The following SPATA17 variants were observed in gnomAD, a reference collection of about 807,000 sequenced individuals.
SPATA17 encodes spermatogenesis associated 17, also known as spermatogenesis-associated protein 17.
In SPATA17, 53 loss-of-function variants were observed where a neutral mutation model predicts 62.2. The ratio of observed to expected loss-of-function variants is 0.85; its 90% CI spans 0.68 to 1.07. SPATA17 has a LOEUF of 1.07. SPATA17 is among the 50% of genes least tolerant of loss of function. The pLI is 0.00. For synonymous variants in SPATA17, 146 were observed against 146.8 expected (o/e 0.99, Z 0.04); for missense variants, 466 against 425.5 (o/e 1.10, Z -0.84).
intron 9 of SPATA17, among the ~76,000 whole-genome samples, chr1:217,843,634 G>A (rs1045692099): frequency 6.6e-6 from 1 of 151,710 alleles, no homozygotes; most frequent in Admixed American, 6.6e-5. Flanking sequence ...AATGGCCAGG[G>A]ACTAATTATT....
chr1:217,855,559 A>G (rs1675761820), intron 9 of SPATA17, among the ~76,000 whole-genome samples: 1 of 152,018 alleles, frequency 6.6e-6, no homozygotes, highest in South Asian at 2.1e-4. Context: ...ATCTTGTATT[A>G]CTTTTATCAT....
chr1:217,792,673 T>C (rs1438094105), intron 8 of SPATA17, among the ~76,000 whole-genome samples: 1 of 152,158 alleles, frequency 6.6e-6, no homozygotes, highest in African/African-American at 2.4e-5. Context: ...CCCCATAGGC[T>C]TGGAACAAAA....
At chr1:217,723,639 G>T (rs1048045357) in intron 5 of SPATA17, among the ~76,000 whole-genome samples, 7 of 152,092 alleles carry the variant, frequency 4.6e-5, no homozygotes, top group Non-Finnish European at 7.4e-5. Context: ...ATTATTGTTT[G>T]ATTTAGAACT....
intron 6 of SPATA17, among the ~76,000 whole-genome samples, chr1:217,748,348 T>C (rs1411180287): frequency 1.3e-5 from 2 of 151,356 alleles, no homozygotes; most frequent in Non-Finnish European, 2.9e-5. Context: ...AATTAATTGA[T>C]AGTCTGTTGA....
chr1:217,779,263 A>G (rs566565315), intron 7 of SPATA17, among the ~76,000 whole-genome samples: 4 of 151,870 alleles, frequency 2.6e-5, no homozygotes, highest in Admixed American at 1.3e-4. Flanking sequence ...ATATATGTAT[A>G]TATGTATACT....
intron 5 of SPATA17, among the ~76,000 whole-genome samples, chr1:217,719,371 T>C (rs1672073943): frequency 6.6e-6 from 1 of 152,212 alleles, no homozygotes. Flanking sequence ...TTCTCTACCA[T>C]TCAGTGCTGG....
chr1:217,775,234 T>G (rs894304796), intron 7 of SPATA17, among the ~76,000 whole-genome samples: 2 of 152,210 alleles, frequency 1.3e-5, no homozygotes, highest in South Asian at 2.1e-4. Flanking sequence ...GTGTCTTCTT[T>G]GAAGAAATGT....
intron 1 of SPATA17, among the ~76,000 whole-genome samples, chr1:217,633,157 T>TA (rs1669856748): frequency 1.3e-5 from 2 of 151,912 alleles, no homozygotes; most frequent in Non-Finnish European, 2.9e-5. Context: ...GAGATCGCAA[T>TA]ACTGCACTCC....
intron 9 of SPATA17, among the ~76,000 whole-genome samples, chr1:217,812,606 A>G (rs1236640104): frequency 3.9e-5 from 6 of 152,180 alleles, no homozygotes; most frequent in Non-Finnish European, 8.8e-5. Flanking sequence ...CTTTGTATTC[A>G]TAAATTCTTT....
rs1306334718 is a variant in SPATA17, at chr1:217,656,949, C to G, written c.240+5771C>G. ...ATTGAGCTGGTAGGCAATTCAATCT[C>G]AGCCCTTATTGGGGATTTTTCTCCT... is the stretch of plus-strand genomic sequence containing the variant. On this transcript the variant is annotated intron_variant, in intron 3 of 10. Transcript: ENST00000366933. Among the ~76,000 whole-genome samples, 8 of 152,286 alleles carry G rather than the reference C, an allele frequency of 5.3e-5. 1 individual carries two copies. In the South Asian group the frequency reaches 8.3e-4, roughly 16 times the overall value.
intron 7 of SPATA17, among the ~76,000 whole-genome samples, chr1:217,779,010 A>T (rs1438857482): frequency 6.6e-6 from 1 of 152,120 alleles, no homozygotes; most frequent in Non-Finnish European, 1.5e-5. Flanking sequence ...GTACATATAT[A>T]GAAATAATGT....
intron 5 of SPATA17, among the ~76,000 whole-genome samples, chr1:217,711,386 T>C (rs573354874): frequency 6.6e-6 from 1 of 152,320 alleles, no homozygotes; most frequent in South Asian, 2.1e-4. Flanking sequence ...ATTTTCATGT[T>C]TTCATTTATC....
At chr1:217,703,965 T>G (rs543304202) in intron 5 of SPATA17, among the ~76,000 whole-genome samples, 27 of 152,246 alleles carry the variant, frequency 1.8e-4, no homozygotes, top group South Asian at 1.2e-3. Context: ...TAAAATTTTT[T>G]GGGGGTGGGG....
At chr1:217,673,988 C>T (rs186203532) in intron 4 of SPATA17, among the ~76,000 whole-genome samples, 4 of 152,260 alleles carry the variant, frequency 2.6e-5, no homozygotes, top group Admixed American at 6.5e-5. Context: ...AGAAGTCTCT[C>T]ATTCAAAATG....
At chr1:217,861,405 T>TATATA (rs1558080571) in intron 9 of SPATA17, among the ~76,000 whole-genome samples, 1 of 129,088 alleles carries the variant, frequency 7.7e-6, no homozygotes, top group East Asian at 2.1e-4. Context: ...ATATATATAT[T>TATATA]TATAAAAATA....
chr1:217,761,475 C>T (rs1323784365), intron 6 of SPATA17, among the ~76,000 whole-genome samples: 2 of 152,054 alleles, frequency 1.3e-5, no homozygotes, highest in Admixed American at 6.6e-5. Flanking sequence ...TATACATATA[C>T]ATATATATAT....
chr1:217,653,181 A>G (rs1424043298), intron 3 of SPATA17, among the ~76,000 whole-genome samples: 1 of 152,194 alleles, frequency 6.6e-6, no homozygotes, highest in Non-Finnish European at 1.5e-5. Context: ...ATAGGCATAC[A>G]ATTTTTATAC....
At chr1:217,659,786 C>G (rs1412955645) in intron 3 of SPATA17, among the ~76,000 whole-genome samples, 2 of 152,170 alleles carry the variant, frequency 1.3e-5, no homozygotes, top group Non-Finnish European at 2.9e-5. Context: ...ATCCTAGACT[C>G]TCTACCACCT....
intron 9 of SPATA17, among the ~76,000 whole-genome samples, chr1:217,819,362 G>T (rs4556426): frequency 0.03 from 4,480 of 151,750 alleles, 105 homozygotes; most frequent in Middle Eastern, 0.061. Flanking sequence ...ATTCCTGCAG[G>T]ATCCTTTTTT....
Sources: allele counts gnomAD v4.1 joint callset (sites outside exome capture counted in the v4.1 genomes callset), GRCh38; gene constraint gnomAD v4.1.1; transcripts MANE v1.5; gene names NCBI Gene and HGNC (gene_info 2026-07-23, HGNC 2026-07-21).